Variants in SH3GL3 observed in about 807,000 individuals in gnomAD.
SH3GL3 encodes the protein endophilin-A3.
SH3GL3 carries 33 observed loss-of-function variants against 47.7 expected under a neutral mutation model. The ratio of observed to expected loss-of-function variants is 0.69; its 90% CI spans 0.52 to 0.92. SH3GL3 has a LOEUF of 0.92. Ranked by LOEUF, SH3GL3 falls within the 40% of genes least tolerant of loss-of-function variation. The probability of loss-of-function intolerance (pLI) is 0.00; values close to 1 mark genes in which losing one functional copy is unlikely to be tolerated. For synonymous variants in SH3GL3, 155 were observed against 148.8 expected (o/e 1.04, Z -0.30); for missense variants, 363 against 417.8 (o/e 0.87, Z 1.14).
At chr15:83,511,595 T>C (rs1043099147) in intron 1 of SH3GL3, among the ~76,000 whole-genome samples, 1 of 152,178 alleles carries the variant, frequency 6.6e-6, no homozygotes, top group Non-Finnish European at 1.5e-5. Context: ...GTAATAATAA[T>C]AATCACTATT....
chr15:83,629,530 G>A, the SH3GL3 span, among the ~76,000 whole-genome samples: 303 of 152,202 alleles, frequency 2.0e-3, 2 homozygotes, highest in Admixed American at 0.013. Context: ...ATTTCAAAAC[G>A]TATCATAGCC....
intron 1 of SH3GL3, among the ~76,000 whole-genome samples, chr15:83,487,428 T>C (rs2041653691): frequency 6.6e-6 from 1 of 152,172 alleles, no homozygotes; most frequent in Admixed American, 6.5e-5. Flanking sequence ...CTGTTTGATA[T>C]ATTTGCCTCT....
At chr15:83,621,759 G>A (rs1334141241), downstream of SH3GL3, among the ~76,000 whole-genome samples, 4 of 152,104 alleles carry the variant, frequency 2.6e-5, no homozygotes, top group African/African-American at 9.7e-5. Flanking sequence ...ACCCTGTTGT[G>A]GCAGAGGCAG....
chr15:83,554,861 T>C (rs1428647082), intron 1 of SH3GL3, among the ~76,000 whole-genome samples: 1 of 152,230 alleles, frequency 6.6e-6, no homozygotes, highest in Non-Finnish European at 1.5e-5. Context: ...TGAATTAATA[T>C]TCATCTTGCA....
intron 1 of SH3GL3, among the ~76,000 whole-genome samples, chr15:83,472,266 A>C (rs2151534174): frequency 6.6e-6 from 1 of 152,298 alleles, no homozygotes; most frequent in East Asian, 1.9e-4. Context: ...GAAAGTTTTC[A>C]ACCACTGTTT....
chr15:83,629,346 C>T, the SH3GL3 span, among the ~76,000 whole-genome samples: 34 of 152,260 alleles, frequency 2.2e-4, no homozygotes, highest in South Asian at 7.1e-3. Flanking sequence ...GTGGAATTAG[C>T]ATTATGTTAC....
intron 1 of SH3GL3, among the ~76,000 whole-genome samples, chr15:83,462,336 A>G (rs934721494): frequency 7.2e-5 from 11 of 152,260 alleles, no homozygotes; most frequent in Non-Finnish European, 1.5e-4. Context: ...GGATAATGCC[A>G]TAATTAAAAT....
At chr15:83,450,961 C>T (rs1453197697) in intron 1 of SH3GL3, among the ~76,000 whole-genome samples, 10 of 104,486 alleles carry the variant, frequency 9.6e-5, no homozygotes, top group African/African-American at 3.3e-4. Flanking sequence ...CCCCCTCCCC[C>T]GACCCCACCA....
chr15:83,477,106 T>C (rs2041136364), intron 1 of SH3GL3, among the ~76,000 whole-genome samples: 1 of 152,154 alleles, frequency 6.6e-6, no homozygotes, highest in Non-Finnish European at 1.5e-5. Context: ...CCAGATATTA[T>C]AGTACTGGGG....
chr15:83,466,002 G>C (rs1029832404), intron 1 of SH3GL3, among the ~76,000 whole-genome samples: 4 of 152,200 alleles, frequency 2.6e-5, no homozygotes, highest in Admixed American at 1.3e-4. Context: ...AAGATCCCCT[G>C]TGTCACCCTT....
chr15:83,510,825 G>A (rs2042715454), intron 1 of SH3GL3, among the ~76,000 whole-genome samples: 1 of 151,798 alleles, frequency 6.6e-6, no homozygotes, highest in Non-Finnish European at 1.5e-5. Flanking sequence ...CCTTTCTCTG[G>A]GTTTGCAAAG....
chr15:83,459,233 T>C (rs2040153410), intron 1 of SH3GL3, among the ~76,000 whole-genome samples: 1 of 152,210 alleles, frequency 6.6e-6, no homozygotes, highest in African/African-American at 2.4e-5. Context: ...TTAGATGGTG[T>C]CCACCCAGAT....
At chr15:83,571,952 C>G (rs1349528634) in intron 4 of SH3GL3, among the ~76,000 whole-genome samples, 1 of 152,074 alleles carries the variant, frequency 6.6e-6, no homozygotes, top group Non-Finnish European at 1.5e-5. Context: ...TGCCACTACC[C>G]GAGCCAGGAA....
chr15:83,616,877 G>A (rs2060835529), intron 8 of SH3GL3, among the ~76,000 whole-genome samples: 1 of 152,060 alleles, frequency 6.6e-6, no homozygotes, highest in Admixed American at 6.6e-5. Flanking sequence ...AAGAAGAACC[G>A]TAAATGTCCA....
intron 2 of SH3GL3, among the ~76,000 whole-genome samples, chr15:83,562,371 T>C (rs887106948): frequency 6.6e-6 from 1 of 152,138 alleles, no homozygotes; most frequent in Admixed American, 6.6e-5. Context: ...GTAGAAAATA[T>C]CCCCATTCTA....
chr15:83,566,852 TCA>T lies in SH3GL3; in HGVS notation c.187+1649_187+1650del, dbSNP rs1491248345. ...ACAGCTGGCACGGGAATGTCACTAC[TCA>T]CAGTGCATTCTATTGCTGGAGATGC... is the stretch of plus-strand genomic sequence containing the variant. On this transcript the variant is annotated intron_variant, in intron 3 of 8. Transcript: ENST00000427482. Among the ~76,000 whole-genome samples the T allele has an allele frequency of 2.6e-5, 4 of 152,320 alleles. No individual in the cohort carries two copies. The South Asian group carries it at 6.2e-4, about 24-fold the overall frequency.
At chr15:83,613,528 G>A (rs2060726129) in intron 8 of SH3GL3, among the ~76,000 whole-genome samples, 1 of 152,196 alleles carries the variant, frequency 6.6e-6, no homozygotes, top group African/African-American at 2.4e-5. Flanking sequence ...TACACATGGA[G>A]GTGGTGCATA....
chr15:83,492,958 G>A (rs1244454382), intron 1 of SH3GL3, among the ~76,000 whole-genome samples: 1 of 152,224 alleles, frequency 6.6e-6, no homozygotes, highest in Non-Finnish European at 1.5e-5. Flanking sequence ...GTAGGACAGG[G>A]ACAAATCAAT....
intron 1 of SH3GL3, among the ~76,000 whole-genome samples, chr15:83,493,322 A>C (rs1030058542): frequency 2.0e-5 from 3 of 152,180 alleles, no homozygotes; most frequent in Non-Finnish European, 4.4e-5. Flanking sequence ...TGATGGGGAC[A>C]TGGCAGTTCA....
Sources: allele counts gnomAD v4.1 joint callset (sites outside exome capture counted in the v4.1 genomes callset), GRCh38; gene constraint gnomAD v4.1.1; transcripts MANE v1.5; gene names NCBI Gene and HGNC (gene_info 2026-07-23, HGNC 2026-07-21).